CYP4X1: variants seen among roughly 807,000 people sequenced by gnomAD.
CYP4X1 encodes the protein cytochrome P450 family 4 subfamily X member 1.
A neutral mutation model predicts 57.9 loss-of-function variants in CYP4X1; 44 were observed. That is an observed-to-expected ratio of 0.76 (90% CI 0.60 to 0.98). The LOEUF (loss-of-function observed/expected upper bound fraction) is 0.98, where lower values mean the gene tolerates loss of function less well. Among genes scored for constraint, CYP4X1 ranks in the 50% least tolerant of loss-of-function variants. CYP4X1 has a pLI of 0.00. For missense variants in CYP4X1, 532 were observed against 623.9 expected, an observed-to-expected ratio of 0.85 and a Z score of 1.57; for synonymous variants, 227 against 228.6, an observed-to-expected ratio of 0.99 and a Z score of 0.06.
At chr1:46,979,305 T>C in the CYP4X1 span, among the ~76,000 whole-genome samples, 7 of 152,102 alleles carry the variant, frequency 4.6e-5, no homozygotes, top group Non-Finnish European at 8.8e-5. Context: ...TCACCGCTGA[T>C]CCCACAGAAA....
At chr1:47,004,114 C>T in the CYP4X1 span, among the ~76,000 whole-genome samples, 2 of 152,228 alleles carry the variant, frequency 1.3e-5, no homozygotes, top group African/African-American at 4.8e-5. Flanking sequence ...TCTTCATTTA[C>T]ATAGGGTGTA....
intron 9 of CYP4X1, among the ~76,000 whole-genome samples, chr1:47,047,550 A>G (rs568520577): frequency 1.4e-4 from 22 of 152,254 alleles, no homozygotes; most frequent in Admixed American, 7.8e-4. Flanking sequence ...AATAGCACCA[A>G]TGGAAATTTG....
the CYP4X1 span, among the ~76,000 whole-genome samples, chr1:46,998,304 T>C: frequency 6.6e-6 from 1 of 152,100 alleles, no homozygotes; most frequent in Non-Finnish European, 1.5e-5. Context: ...GCTTCCCAAG[T>C]AGCTGGAACT....
At chr1:46,992,593 T>C in the CYP4X1 span, among the ~76,000 whole-genome samples, 1 of 152,224 alleles carries the variant, frequency 6.6e-6, no homozygotes, top group East Asian at 1.9e-4. Flanking sequence ...TTCACTCCTG[T>C]TTGTGATGAA....
rs149975996 is a variant in CYP4X1 at position 47,027,675 on chromosome 1, A to G, written c.178-2315A>G. Among the ~76,000 whole-genome samples the G allele has an allele frequency of 3.9e-3, 588 of 152,310 alleles. 3 individuals are homozygous for G. Among genetic ancestry groups the G allele is most frequent in the African/African-American group, 0.013 (554 of 41,564 alleles). On this transcript the variant is annotated intron_variant, in intron 1 of 11. Transcript: ENST00000371901. The stretch of plus-strand genomic sequence containing the variant: ...AAATTCCCTACAAGATAAGAATTTC[A>G]TTCCTTACTCTTAGTAATACAGGTC...
At chr1:47,024,292 C>T (rs766226102) in intron 1 of CYP4X1, among the ~76,000 whole-genome samples, 4 of 152,226 alleles carry the variant, frequency 2.6e-5, no homozygotes, top group Admixed American at 6.5e-5. Context: ...GTCTGTCTCT[C>T]ATTGCTTCAC....
the CYP4X1 span, among the ~76,000 whole-genome samples, chr1:46,987,870 G>C: frequency 6.6e-6 from 1 of 152,244 alleles, no homozygotes; most frequent in South Asian, 2.1e-4. Context: ...GAATCACTGG[G>C]ACACAGCTAA....
At position 47,050,020 on chromosome 1, in the gene CYP4X1, T is replaced by C; in HGVS notation, c.1376T>C (p.Phe459Ser). The C allele has an allele frequency of 6.2e-7, 1 of 1,614,026 alleles. No individual in the cohort carries two copies. The highest frequency in any genetic ancestry group is 8.5e-7 in the Non-Finnish European group (1 of 1,180,004). The change falls in exon 12 of 12, where the codon TTT becomes TCT. Residue 459 changes from phenylalanine to serine, a missense_variant. Coordinates refer to ENST00000371901, the MANE Select transcript of CYP4X1 (RefSeq NM_178033.2). ...AGSRNCIGQE[F>S]AMIELKVTIA... Reference sequence around the variant, plus strand: ...TTCAGGAACTGCATTGGGCAGGAGTTTGCCATGATTGAGTTAAAGGTAACC... The same window carrying C: ...TTCAGGAACTGCATTGGGCAGGAGTCTGCCATGATTGAGTTAAAGGTAACC...
chr1:47,023,664 C>A, upstream of CYP4X1: 1 of 1,418,680 alleles, frequency 7.0e-7, no homozygotes, highest in Admixed American at 2.9e-5. Context: ...TGAGCTGCCC[C>A]TCCCACTGCC....
chr1:47,021,682 G>A (rs144965614), upstream of CYP4X1, among the ~76,000 whole-genome samples: 246 of 152,288 alleles, frequency 1.6e-3, 1 homozygote, highest in African/African-American at 5.7e-3. Context: ...GAGTTCCTTT[G>A]TTACCCATGA....
At chr1:46,987,770 G>A in the CYP4X1 span, among the ~76,000 whole-genome samples, 1 of 152,114 alleles carries the variant, frequency 6.6e-6, no homozygotes, top group Non-Finnish European at 1.5e-5. Context: ...TGAAAAAACT[G>A]CTCCTGAATG....
rs58369367 is a variant in CYP4X1, at chr1:47,036,370, T to TTATATATATATA, written c.775+204_775+215dup. 7.8e-3 allele frequency among the ~76,000 whole-genome samples: 1,008 copies of TTATATATATATA among 129,808 alleles called. 42 individuals carry two copies. Among genetic ancestry groups the TTATATATATATA allele is most frequent in the African/African-American group, 0.025 (883 of 35,826 alleles). The allele number at this position is 129,808 out of a possible 152,430, so 85.2% of individuals were successfully genotyped here. ...AACCATAGCAGTATTATCAGAATTT[T>TTATATATATATA]TATATATATATATATACACTATTTT... On this transcript the variant is annotated intron_variant, in intron 6 of 11. Coordinates refer to ENST00000371901, the MANE Select transcript of CYP4X1 (RefSeq NM_178033.2).
chr1:47,042,488 G>A (rs1644257511), intron 8 of CYP4X1, among the ~76,000 whole-genome samples: 1 of 151,888 alleles, frequency 6.6e-6, no homozygotes, highest in East Asian at 1.9e-4. Flanking sequence ...ATAGGGTTTG[G>A]GTAACAGGTG....
upstream of CYP4X1, chr1:47,023,588 G>C (rs1344601344): frequency 7.6e-7 from 1 of 1,307,284 alleles, no homozygotes; most frequent in Non-Finnish European, 9.7e-7. Context: ...TGGGCCGAAC[G>C]AAGCGTGCGC....
chr1:47,031,614 C>A, intron 3 of CYP4X1, 134 bp downstream of exon 3: 1 of 945,708 alleles, frequency 1.1e-6, no homozygotes, highest in Non-Finnish European at 1.6e-6. Context: ...TGAACGTTAT[C>A]TAGGGGAAAG....
the CYP4X1 span, among the ~76,000 whole-genome samples, chr1:46,978,503 A>T: frequency 6.6e-6 from 1 of 152,052 alleles, no homozygotes; most frequent in South Asian, 2.1e-4. Flanking sequence ...CTACAAAGAG[A>T]CTTAGACTCC....
At chr1:46,989,703 A>G in the CYP4X1 span, among the ~76,000 whole-genome samples, 1 of 152,340 alleles carries the variant, frequency 6.6e-6, no homozygotes, top group African/African-American at 2.4e-5. Flanking sequence ...CAAAACAGAT[A>G]TATAGACCAA....
At chr1:47,017,981 A>T in the CYP4X1 span, among the ~76,000 whole-genome samples, 1 of 152,272 alleles carries the variant, frequency 6.6e-6, no homozygotes, top group Non-Finnish European at 1.5e-5. Flanking sequence ...AGCTGTCTCA[A>T]ATTTTGGGGG....
At chr1:47,026,701 T>C (rs1438345737) in intron 1 of CYP4X1, among the ~76,000 whole-genome samples, 2 of 152,028 alleles carry the variant, frequency 1.3e-5, no homozygotes, top group African/African-American at 4.8e-5. Context: ...AGTTAGGTCA[T>C]CTTTAATTTT....
Sources: gnomAD v4.1 joint callset for allele counts (sites outside exome capture counted in the v4.1 genomes callset) on GRCh38, gnomAD v4.1.1 for gene constraint, MANE v1.5 for transcripts, NCBI Gene and HGNC (gene_info 2026-07-23, HGNC 2026-07-21) for gene names.